STK39: variants seen among roughly 807,000 people sequenced by gnomAD.
The protein encoded by STK39 is serine/threonine kinase 39.
In STK39, 20 loss-of-function variants were observed where a neutral mutation model predicts 77.8. The ratio of observed to expected loss-of-function variants is 0.26; its 90% CI spans 0.18 to 0.37. The LOEUF is 0.37. Among genes scored for constraint, STK39 ranks in the 10% least tolerant of loss-of-function variants. The probability of loss-of-function intolerance (pLI) is 1.00; values close to 1 mark genes in which losing one functional copy is unlikely to be tolerated. For missense variants in STK39, 479 were observed against 656.5 expected (o/e 0.73, Z 2.95); for synonymous variants, 246 against 234.1 (o/e 1.05, Z -0.47).
At position 168,217,504 on chromosome 2, in the gene STK39, G is replaced by A. The variant is rs527505806; in HGVS notation, c.208+29724C>T. Among the ~76,000 whole-genome samples, 170 of 152,204 alleles carry A rather than the reference G, an allele frequency of 1.1e-3. 1 individual carries two copies. The highest frequency in any genetic ancestry group is 3.8e-3 in the African/African-American group (157 of 41,520). ...TTTATGTGAGGATCACAGATTATCC[G>A]ATCCTTGGCCCCACTTCCCACAAAA... On this transcript the variant is annotated intron_variant, in intron 1 of 17. Coordinates refer to ENST00000355999, the MANE Select transcript of STK39 (RefSeq NM_013233.3).
Position 168,247,556 on chromosome 2 carries a change from G to GCCGCCGCCGCCGCCGCCGCCA in STK39, c.-122_-121insTGGCGGCGGCGGCGGCGGCGG. ...CACGCCCTCCCCGCCCGCCGCCGCC[G>GCCGCCGCCGCCGCCGCCGCCA]CCGCCGTCCCCGCCGAAGCCAGCTA... On this transcript the variant is annotated 5_prime_UTR_variant, in exon 1 of 18. Transcript: ENST00000355999. The GCCGCCGCCGCCGCCGCCGCCA allele has an allele frequency of 1.3e-6, 1 of 745,108 alleles. No individual in the cohort carries two copies. The highest frequency in any genetic ancestry group is 1.7e-6 in the Non-Finnish European group (1 of 581,736). The allele number at this position is 745,108 out of a possible 1,614,324, so 46.2% of individuals were successfully genotyped here. A position where few individuals can be genotyped will look rare whatever the true frequency, so the allele number is the denominator to read the frequency against.
intron 1 of STK39, among the ~76,000 whole-genome samples, chr2:168,236,808 A>T (rs1214038224): frequency 2.0e-5 from 3 of 151,936 alleles, no homozygotes; most frequent in Non-Finnish European, 1.5e-5. Context: ...ATTGGTCTAT[A>T]TCTCTGTTTT....
At chr2:168,022,670 G>T (rs1033033387) in intron 14 of STK39, among the ~76,000 whole-genome samples, 3 of 152,186 alleles carry the variant, frequency 2.0e-5, no homozygotes, top group African/African-American at 7.2e-5. Context: ...ATTCATTAGT[G>T]AGGGCAAATA....
intron 10 of STK39, among the ~76,000 whole-genome samples, chr2:168,113,993 G>A (rs1237802864): frequency 1.3e-5 from 2 of 152,218 alleles, no homozygotes; most frequent in Non-Finnish European, 2.9e-5. Context: ...TGCATTCATT[G>A]TAACTGTTTA....
intron 10 of STK39, among the ~76,000 whole-genome samples, chr2:168,120,200 T>A (rs1687368964): frequency 6.6e-6 from 1 of 152,224 alleles, no homozygotes; most frequent in South Asian, 2.1e-4. Context: ...ATTTAACATA[T>A]CTTATACTCA....
At chr2:168,208,893 A>G (rs1327140244) in intron 1 of STK39, among the ~76,000 whole-genome samples, 1 of 152,182 alleles carries the variant, frequency 6.6e-6, no homozygotes, top group Non-Finnish European at 1.5e-5. Context: ...GACTTAAGAT[A>G]TCTCCCACAG....
intron 15 of STK39, among the ~76,000 whole-genome samples, chr2:168,016,428 A>G (rs1437414952): frequency 1.3e-5 from 2 of 148,534 alleles, no homozygotes; most frequent in Non-Finnish European, 3.0e-5. Context: ...ACTACTGAAC[A>G]TGGGTGAAAT....
At chr2:167,982,846 C>A (rs1454211868) in intron 16 of STK39, among the ~76,000 whole-genome samples, 4 of 152,168 alleles carry the variant, frequency 2.6e-5, no homozygotes, top group African/African-American at 9.7e-5. Context: ...CTCTTCAGAT[C>A]TCCAGCTTTC....
At chr2:168,120,761 A>G (rs1379016991) in intron 10 of STK39, among the ~76,000 whole-genome samples, 1 of 152,224 alleles carries the variant, frequency 6.6e-6, no homozygotes, top group African/African-American at 2.4e-5. Context: ...TCCCAAACAT[A>G]GCTATTATTA....
chr2:168,186,142 T>G (rs935568467), intron 1 of STK39, among the ~76,000 whole-genome samples: 1 of 152,146 alleles, frequency 6.6e-6, no homozygotes, highest in African/African-American at 2.4e-5. Flanking sequence ...ATAGGATTAG[T>G]ATCCTTACAA....
intron 1 of STK39, among the ~76,000 whole-genome samples, chr2:168,209,222 T>C (rs1218551144): frequency 6.6e-6 from 1 of 152,204 alleles, no homozygotes; most frequent in African/African-American, 2.4e-5. Flanking sequence ...GATGAAAGTC[T>C]TAAGCAAAAT....
At chr2:168,000,720 A>T (rs1252029795) in intron 16 of STK39, among the ~76,000 whole-genome samples, 2 of 152,242 alleles carry the variant, frequency 1.3e-5, no homozygotes, top group Non-Finnish European at 2.9e-5. Flanking sequence ...AAGAAAGTGC[A>T]GAGCTCTGAC....
chr2:168,086,815 G>A (rs1015574319), intron 10 of STK39, among the ~76,000 whole-genome samples: 1 of 152,190 alleles, frequency 6.6e-6, no homozygotes, highest in East Asian at 1.9e-4. Context: ...GAATGTTCTG[G>A]AAGTTGGAAG....
intron 16 of STK39, among the ~76,000 whole-genome samples, chr2:167,969,072 G>A (rs1425709964): frequency 6.6e-6 from 1 of 152,168 alleles, no homozygotes; most frequent in East Asian, 1.9e-4. Context: ...TTCTGCACAA[G>A]GCCATGCATT....
intron 14 of STK39, among the ~76,000 whole-genome samples, chr2:168,049,471 G>C (rs1255609607): frequency 6.6e-5 from 10 of 152,074 alleles, no homozygotes; most frequent in Admixed American, 5.9e-4. Context: ...AGCTATCCAG[G>C]GCATCATTTA....
At chr2:168,216,685 A>G (rs557506917) in intron 1 of STK39, among the ~76,000 whole-genome samples, 23 of 152,366 alleles carry the variant, frequency 1.5e-4, no homozygotes, top group African/African-American at 5.5e-4. Flanking sequence ...AAACGTTGTT[A>G]TAAGCCACCT....
intron 16 of STK39, among the ~76,000 whole-genome samples, chr2:167,978,409 T>C (rs1367083654): frequency 6.6e-6 from 1 of 152,144 alleles, no homozygotes; most frequent in Non-Finnish European, 1.5e-5. Flanking sequence ...GCTTAAAGGT[T>C]AGAAGCAAGA....
At chr2:168,051,747 C>T (rs905296079) in intron 14 of STK39, among the ~76,000 whole-genome samples, 8 of 152,266 alleles carry the variant, frequency 5.3e-5, no homozygotes, top group African/African-American at 1.7e-4. Flanking sequence ...GCCACAGCGC[C>T]CAGCCCCCTC....
intron 2 of STK39, among the ~76,000 whole-genome samples, chr2:168,176,228 C>T (rs566930469): frequency 4.5e-4 from 68 of 152,146 alleles, no homozygotes; most frequent in African/African-American, 1.5e-3. Flanking sequence ...AATAAACAAG[C>T]TTTGCAAAAG....
Sources: gnomAD v4.1 joint callset for allele counts (sites outside exome capture counted in the v4.1 genomes callset) on GRCh38, gnomAD v4.1.1 for gene constraint, MANE v1.5 for transcripts, NCBI Gene and HGNC (gene_info 2026-07-23, HGNC 2026-07-21) for gene names.